DDAH1: variants seen among roughly 807,000 people sequenced by gnomAD.
DDAH1 encodes the protein dimethylarginine dimethylaminohydrolase 1, also known as N(G),N(G)-dimethylarginine dimethylaminohydrolase 1.
DDAH1 carries 19 observed loss-of-function variants against 28.8 expected under a neutral mutation model. That is an observed-to-expected ratio of 0.66 (90% CI 0.46 to 0.97). The LOEUF (loss-of-function observed/expected upper bound fraction) is 0.97, where lower values mean the gene tolerates loss of function less well. Ranked by LOEUF, DDAH1 falls within the 50% of genes least tolerant of loss-of-function variation. The pLI is 0.00. For synonymous variants in DDAH1, 153 were observed against 154.4 expected, an observed-to-expected ratio of 0.99 and a Z score of 0.07; for missense variants, 326 against 375.9, an observed-to-expected ratio of 0.87 and a Z score of 1.10.
chr1:85,381,481 A>C (rs1570461240), intron 1 of DDAH1, among the ~76,000 whole-genome samples: 1 of 150,986 alleles, frequency 6.6e-6, no homozygotes, highest in African/African-American at 2.4e-5. Context: ...GTAGTCTTTT[A>C]TCCTTCACCC....
chr1:85,571,144 A>G (rs1659443816), intron 1 of DDAH1, among the ~76,000 whole-genome samples: 1 of 152,210 alleles, frequency 6.6e-6, no homozygotes, highest in Admixed American at 6.5e-5. Flanking sequence ...CGTTTGGCCC[A>G]TGGCGGTGCC....
intron 2 of DDAH1, among the ~76,000 whole-genome samples, chr1:85,351,899 C>G (rs1472628358): frequency 6.6e-6 from 1 of 152,054 alleles, no homozygotes; most frequent in Non-Finnish European, 1.5e-5. Context: ...GTGATGGTTG[C>G]CTAACACTGT....
chr1:85,552,860 T>C (rs12405017), intron 1 of DDAH1, among the ~76,000 whole-genome samples: 2,802 of 152,168 alleles, frequency 0.018, 45 homozygotes, highest in East Asian at 0.055. Context: ...CCTAAGCTCT[T>C]CTATAGGTAG....
chr1:85,505,789 C>T (rs1656993419), intron 1 of DDAH1, among the ~76,000 whole-genome samples: 2 of 152,168 alleles, frequency 1.3e-5, no homozygotes, highest in Non-Finnish European at 1.5e-5. Context: ...TGACTTCCTA[C>T]AATAGACAAA....
chr1:85,358,366 T>C (rs890079931), intron 2 of DDAH1, among the ~76,000 whole-genome samples: 3 of 152,170 alleles, frequency 2.0e-5, no homozygotes, highest in African/African-American at 7.2e-5. Flanking sequence ...ACTACTACAA[T>C]AGGCTGGGCA....
chr1:85,475,171 A>C (rs551196539), intron 2 of DDAH1, among the ~76,000 whole-genome samples: 1 of 152,202 alleles, frequency 6.6e-6, no homozygotes, highest in Non-Finnish European at 1.5e-5. Context: ...TTAACTTCAC[A>C]TACAGAGCTT....
intron 4 of DDAH1, among the ~76,000 whole-genome samples, chr1:85,344,744 G>A (rs1022098347): frequency 2.6e-5 from 4 of 152,112 alleles, no homozygotes; most frequent in Non-Finnish European, 5.9e-5. Context: ...CTCCTGTGAC[G>A]ATAGCATGTA....
At chr1:85,436,605 T>C (rs1038103749) in intron 1 of DDAH1, among the ~76,000 whole-genome samples, 8 of 152,254 alleles carry the variant, frequency 5.3e-5, no homozygotes, top group Non-Finnish European at 8.8e-5. Context: ...GCAGAAGCTC[T>C]GCTGGCTATG....
chr1:85,436,803 T>C (rs1030814707), intron 1 of DDAH1, among the ~76,000 whole-genome samples: 3 of 152,084 alleles, frequency 2.0e-5, no homozygotes, highest in Admixed American at 1.3e-4. Context: ...TGTGAAGCGG[T>C]AGACATTTTT....
At chr1:85,375,923 T>C (rs530213167) in intron 1 of DDAH1, among the ~76,000 whole-genome samples, 2 of 152,230 alleles carry the variant, frequency 1.3e-5, no homozygotes, top group African/African-American at 4.8e-5. Context: ...TCCACAATTT[T>C]CCAACATTCC....
chr1:85,384,190 T>G (rs902308867), intron 1 of DDAH1, among the ~76,000 whole-genome samples: 3 of 152,188 alleles, frequency 2.0e-5, no homozygotes, highest in South Asian at 4.1e-4. Context: ...CTGGGAATTG[T>G]CTGGTTTATT....
chr1:85,502,889 G>T (rs572245), intron 1 of DDAH1, among the ~76,000 whole-genome samples: 106,599 of 152,012 alleles, frequency 0.7, 38,052 homozygotes, highest in East Asian at 0.95. Flanking sequence ...GAACACTCGG[G>T]GCCTCTGCCT....
chr1:85,472,054 A>C (rs187686277), intron 2 of DDAH1, among the ~76,000 whole-genome samples: 1 of 152,328 alleles, frequency 6.6e-6, no homozygotes, highest in East Asian at 1.9e-4. Flanking sequence ...GGGTCATAGA[A>C]ACCAAAATGC....
At position 85,376,216 on chromosome 1, in the gene DDAH1, G is replaced by A. The variant is rs1389916211; in HGVS notation, c.304-17369C>T. Among the ~76,000 whole-genome samples the A allele has an allele frequency of 2.0e-5, 3 of 152,216 alleles. No homozygotes were observed. The East Asian group carries it at 5.8e-4, about 29-fold the overall frequency. On this transcript the variant is annotated intron_variant, in intron 1 of 5. Transcript: ENST00000284031. ...CTAATTAACTGCCTCTATTGTAAATGGCTTATTAAGCCACTCCTATTAGGG... is the reference window on the plus strand; with the variant it reads ...CTAATTAACTGCCTCTATTGTAAATAGCTTATTAAGCCACTCCTATTAGGG...
At chr1:85,566,491 C>CA (rs200302503) in intron 1 of DDAH1, among the ~76,000 whole-genome samples, 24,447 of 84,288 alleles carry the variant, frequency 0.29, 2,331 homozygotes, top group Middle Eastern at 0.35. Context: ...GACCCCATCT[C>CA]AAAAAAAAAA....
At chr1:85,507,095 A>T (rs985916168) in intron 1 of DDAH1, among the ~76,000 whole-genome samples, 1 of 152,202 alleles carries the variant, frequency 6.6e-6, no homozygotes, top group African/African-American at 2.4e-5. Context: ...CTATTTTGCC[A>T]TATTTGCTTT....
chr1:85,367,740 T>C (rs1390556459), intron 1 of DDAH1, among the ~76,000 whole-genome samples: 1 of 152,138 alleles, frequency 6.6e-6, no homozygotes, highest in Non-Finnish European at 1.5e-5. Flanking sequence ...ATTCCTCTTC[T>C]TCCCTTGGAC....
At chr1:85,512,672 G>A (rs1657289804) in intron 1 of DDAH1, among the ~76,000 whole-genome samples, 2 of 152,160 alleles carry the variant, frequency 1.3e-5, no homozygotes, top group African/African-American at 4.8e-5. Context: ...CAAAATCAAT[G>A]TGCAAAAATC....
At chr1:85,508,338 C>T (rs1390733182) in intron 1 of DDAH1, among the ~76,000 whole-genome samples, 1 of 152,142 alleles carries the variant, frequency 6.6e-6, no homozygotes, top group Non-Finnish European at 1.5e-5. Context: ...TTTAAAAAGG[C>T]AAGGTAAGAT....
Sources: allele counts gnomAD v4.1 joint callset (sites outside exome capture counted in the v4.1 genomes callset), GRCh38; gene constraint gnomAD v4.1.1; transcripts MANE v1.5; gene names NCBI Gene and HGNC (gene_info 2026-07-23, HGNC 2026-07-21).